WWC2: variants seen among roughly 807,000 people sequenced by gnomAD.
The protein encoded by WWC2 is WW and C2 domain containing 2.
A neutral mutation model predicts 138.5 loss-of-function variants in WWC2; 101 were observed. The ratio of observed to expected loss-of-function variants is 0.73; its 90% CI spans 0.62 to 0.86. WWC2 has a LOEUF of 0.86. WWC2 is among the 40% of genes least tolerant of loss of function. The pLI is 0.00. For missense variants in WWC2, 1,420 were observed against 1,419.4 expected (o/e 1.00, Z -0.01); for synonymous variants, 558 against 538.4 (o/e 1.04, Z -0.50).
chr4:183,113,541 C>T (rs544173908), intron 1 of WWC2, among the ~76,000 whole-genome samples: 3 of 148,614 alleles, frequency 2.0e-5, no homozygotes, highest in South Asian at 2.1e-4. Context: ...CGCACATGCA[C>T]GTGCATGCAA....
chr4:183,109,125 A>G (rs1318652721), intron 1 of WWC2, among the ~76,000 whole-genome samples: 2 of 152,222 alleles, frequency 1.3e-5, no homozygotes, highest in African/African-American at 4.8e-5. Flanking sequence ...TGTTGTTTAT[A>G]TGAAAATTCT....
chr4:183,187,550 C>T (rs957899202), intron 1 of WWC2, among the ~76,000 whole-genome samples: 1 of 18,410 alleles, frequency 5.4e-5, no homozygotes, highest in African/African-American at 2.2e-4. Context: ...GAGACTCCGT[C>T]TCAAAATAAT....
In WWC2 at chr4:183,261,010, T is replaced by G. The variant is rs1220450510; in HGVS notation, c.1387T>G (p.Ser463Ala). ...LNTSSRGSLN[S>A]LSSTELYYSS... ...CACCTCCAGCAGAGGGTCACTCAAC[T>G]CCCTCAGTTCCACCGAACTCTATTA... The change falls in exon 11 of 23, where the codon TCC becomes GCC. Residue 463 changes from serine (S) to alanine (A), a missense_variant. Ser to Ala is a moderately conservative substitution (Grantham distance 99). Coordinates refer to ENST00000403733, the MANE Select transcript of WWC2 (RefSeq NM_024949.6). The G allele has an allele frequency of 6.2e-7, 1 of 1,613,830 alleles. No individual in the cohort carries two copies. The highest frequency in any genetic ancestry group is 1.3e-5 in the African/African-American group (1 of 74,906).
chr4:183,181,976 A>G (rs1418351093), intron 1 of WWC2, among the ~76,000 whole-genome samples: 2 of 152,218 alleles, frequency 1.3e-5, no homozygotes, highest in Non-Finnish European at 2.9e-5. Context: ...TACAGTATAC[A>G]TAGAGTTTAT....
At chr4:183,235,948 A>G (rs1736411209) in intron 4 of WWC2, among the ~76,000 whole-genome samples, 2 of 152,210 alleles carry the variant, frequency 1.3e-5, no homozygotes, top group Admixed American at 1.3e-4. Flanking sequence ...TGTCAGTAAG[A>G]TATAGTATTG....
At chr4:183,297,130 A>T (rs1738659002) in intron 21 of WWC2, among the ~76,000 whole-genome samples, 2 of 151,666 alleles carry the variant, frequency 1.3e-5, no homozygotes, top group Admixed American at 1.3e-4. Context: ...AGACACCACC[A>T]CACTCAGCCA....
chr4:183,227,781 T>G (rs1228299033), intron 4 of WWC2, among the ~76,000 whole-genome samples: 1 of 152,034 alleles, frequency 6.6e-6, no homozygotes, highest in African/African-American at 2.4e-5. Context: ...TTAACCAGAA[T>G]GTTATACACA....
At chr4:183,102,691 T>G (rs1366771923) in intron 1 of WWC2, among the ~76,000 whole-genome samples, 1 of 152,150 alleles carries the variant, frequency 6.6e-6, no homozygotes, top group African/African-American at 2.4e-5. Context: ...AGGCTAATCC[T>G]GGGGAAATCT....
In WWC2 at chr4:183,319,001, G is replaced by A. The variant is rs1739541225; in HGVS notation, c.*3272G>A. Reference sequence around the variant, plus strand: ...CCCTCCTGCCTCTGACAGTATAGAAGGCGTGACTGAATGTGGCTGCCTTTT... The same window carrying A: ...CCCTCCTGCCTCTGACAGTATAGAAAGCGTGACTGAATGTGGCTGCCTTTT... On this transcript the variant is annotated 3_prime_UTR_variant, in exon 23 of 23. Transcript: ENST00000403733. The A allele has an allele frequency of 6.5e-6, 1 of 152,842 alleles. No homozygotes were observed. Among genetic ancestry groups the A allele is most frequent in the Admixed American group, 6.5e-5 (1 of 15,368 alleles). The allele number at this position is 152,842 out of a possible 1,614,324, so 9.5% of individuals were successfully genotyped here. A position where few individuals can be genotyped will look rare whatever the true frequency, so the allele number is the denominator to read the frequency against.
rs572154525 is a variant in WWC2, at chr4:183,117,910, C to G, written c.131+18288C>G. ...CCGCTTCCCGGGTTCAAGCGATTCT[C>G]CTGCCTCTGCCCCCCAAGTAGCTGG... On this transcript the variant is annotated intron_variant, in intron 1 of 22. Coordinates refer to ENST00000403733, the MANE Select transcript of WWC2 (RefSeq NM_024949.6). 2.6e-5 allele frequency among the ~76,000 whole-genome samples: 4 copies of G among 152,220 alleles called. No individual in the cohort carries two copies. The East Asian group carries it at 7.8e-4, about 30-fold the overall frequency.
At chr4:183,116,680 T>A (rs1219442933) in intron 1 of WWC2, among the ~76,000 whole-genome samples, 3 of 152,248 alleles carry the variant, frequency 2.0e-5, no homozygotes, top group Admixed American at 2.0e-4. Flanking sequence ...TAGCCACACA[T>A]AATCTTCCAG....
chr4:183,167,514 G>A (rs1298526187), intron 1 of WWC2, among the ~76,000 whole-genome samples: 6 of 152,086 alleles, frequency 3.9e-5, no homozygotes, highest in Non-Finnish European at 7.4e-5. Context: ...GTTTACTCCG[G>A]ATGTCCTGAT....
At chr4:183,184,199 C>T (rs1442257061) in intron 1 of WWC2, among the ~76,000 whole-genome samples, 5 of 152,168 alleles carry the variant, frequency 3.3e-5, no homozygotes, top group Non-Finnish European at 5.9e-5. Context: ...CGTTTGTGAA[C>T]TAGCTATTTC....
At chr4:183,298,291 G>A (rs1738706867) in intron 21 of WWC2, among the ~76,000 whole-genome samples, 1 of 152,172 alleles carries the variant, frequency 6.6e-6, no homozygotes, top group East Asian at 1.9e-4. Flanking sequence ...GCCGGTAACA[G>A]TTCAGTATAA....
chr4:183,139,636 CTTTGCTG>C (rs1442667824), intron 1 of WWC2, among the ~76,000 whole-genome samples: 2 of 152,162 alleles, frequency 1.3e-5, no homozygotes, highest in African/African-American at 2.4e-5. Context: ...GAGAAATAAA[CTTTGCTG>C]TTTGAGATCT....
chr4:183,107,544 T>C (rs1415003450), intron 1 of WWC2, among the ~76,000 whole-genome samples: 2 of 152,220 alleles, frequency 1.3e-5, no homozygotes, highest in Admixed American at 1.3e-4. Context: ...AGTGTTTTGA[T>C]GGCCTTAGTT....
At chr4:183,188,139 A>G (rs1200693261) in intron 1 of WWC2, among the ~76,000 whole-genome samples, 1 of 152,188 alleles carries the variant, frequency 6.6e-6, no homozygotes, top group African/African-American at 2.4e-5. Flanking sequence ...AGAACGGGGG[A>G]GTGAGGCTAG....
chr4:183,102,896 C>G (rs1324646336), intron 1 of WWC2, among the ~76,000 whole-genome samples: 37 of 142,676 alleles, frequency 2.6e-4, no homozygotes, highest in Non-Finnish European at 5.0e-4. Flanking sequence ...TAATTACATT[C>G]AACAAAGGAG....
chr4:183,279,658 G>A (rs1026217638), intron 16 of WWC2, among the ~76,000 whole-genome samples: 12 of 152,102 alleles, frequency 7.9e-5, no homozygotes, highest in Admixed American at 1.3e-4. Flanking sequence ...TTCAGATCCT[G>A]TTATTGGTCT....
Sources: gnomAD v4.1 joint callset for allele counts (sites outside exome capture counted in the v4.1 genomes callset) on GRCh38, gnomAD v4.1.1 for gene constraint, MANE v1.5 for transcripts, NCBI Gene and HGNC (gene_info 2026-07-23, HGNC 2026-07-21) for gene names.